The following CTNND2 variants were observed in gnomAD, a reference collection of about 807,000 sequenced individuals.
CTNND2 encodes catenin delta-2.
In CTNND2, 22 loss-of-function variants were observed where a neutral mutation model predicts 144.4. That is an observed-to-expected ratio of 0.15 (90% CI 0.11 to 0.22). The LOEUF is 0.22. Among genes scored for constraint, CTNND2 ranks in the 10% least tolerant of loss-of-function variants. CTNND2 has a pLI of 1.00. For missense variants in CTNND2, 1,353 were observed against 1,618.8 expected, an observed-to-expected ratio of 0.84 and a Z score of 2.82; for synonymous variants, 751 against 695.6, an observed-to-expected ratio of 1.08 and a Z score of -1.25.
chr5:11,198,322 G>GA (rs1322551513), intron 11 of CTNND2, among the ~76,000 whole-genome samples: 2 of 152,060 alleles, frequency 1.3e-5, no homozygotes, highest in East Asian at 3.9e-4. Flanking sequence ...GTTATAGAAA[G>GA]AAAAAACAAA....
intron 11 of CTNND2, among the ~76,000 whole-genome samples, chr5:11,196,744 G>A (rs1012245283): frequency 1.3e-5 from 2 of 152,164 alleles, no homozygotes; most frequent in African/African-American, 4.8e-5. Flanking sequence ...TAAATATTTA[G>A]CAGCCAGTGC....
intron 9 of CTNND2, among the ~76,000 whole-genome samples, chr5:11,299,362 T>A (rs977868322): frequency 1.1e-4 from 17 of 152,102 alleles, no homozygotes; most frequent in African/African-American, 3.6e-4. Flanking sequence ...GCCATCGCCT[T>A]TTACCAGAAG....
chr5:11,189,054 T>TC (rs1391777535), intron 11 of CTNND2, among the ~76,000 whole-genome samples: 1 of 152,186 alleles, frequency 6.6e-6, no homozygotes, highest in Non-Finnish European at 1.5e-5. Context: ...GTCTACGAGT[T>TC]CCAGCTTCTA....
intron 2 of CTNND2, among the ~76,000 whole-genome samples, chr5:11,631,144 C>G (rs145859881): frequency 6.6e-6 from 1 of 152,202 alleles, no homozygotes; most frequent in African/African-American, 2.4e-5. Context: ...CTTTTCCTAT[C>G]TTGCTGTCAT....
intron 3 of CTNND2, among the ~76,000 whole-genome samples, chr5:11,526,704 G>A (rs576471199): frequency 1.7e-4 from 26 of 152,268 alleles, no homozygotes; most frequent in Non-Finnish European, 2.8e-4. Context: ...AAACTAGGGT[G>A]CAAAATTAAA....
At chr5:11,896,606 GA>G (rs1737413978) in intron 1 of CTNND2, among the ~76,000 whole-genome samples, 1 of 152,012 alleles carries the variant, frequency 6.6e-6, no homozygotes, top group South Asian at 2.1e-4. Context: ...TTCAAGAATG[GA>G]AAGGCATGCT....
intron 2 of CTNND2, among the ~76,000 whole-genome samples, chr5:11,667,815 G>A (rs1011170992): frequency 6.6e-6 from 1 of 152,168 alleles, no homozygotes; most frequent in Non-Finnish European, 1.5e-5. Context: ...ACTGCTTTTA[G>A]TGTTTTAGTC....
intron 2 of CTNND2, among the ~76,000 whole-genome samples, chr5:11,665,539 CTT>C (rs1437357922): frequency 2.0e-5 from 3 of 152,164 alleles, no homozygotes; most frequent in South Asian, 2.1e-4. Context: ...AGGATTTTCT[CTT>C]GTTTCATTAG....
chr5:11,596,110 AT>A (rs1438279113), intron 2 of CTNND2, among the ~76,000 whole-genome samples: 1 of 152,182 alleles, frequency 6.6e-6, no homozygotes, highest in Non-Finnish European at 1.5e-5. Context: ...AACTGGGAGT[AT>A]TTTTTGTTTA....
chr5:11,846,755 G>A (rs1296282683), intron 1 of CTNND2, among the ~76,000 whole-genome samples: 1 of 151,716 alleles, frequency 6.6e-6, no homozygotes, highest in Admixed American at 6.6e-5. Flanking sequence ...GCAAAAATAA[G>A]CAAATAATCT....
intron 9 of CTNND2, among the ~76,000 whole-genome samples, chr5:11,259,938 C>T (rs147515370): frequency 2.0e-5 from 3 of 152,280 alleles, no homozygotes; most frequent in Non-Finnish European, 4.4e-5. Context: ...AAGGGATAAA[C>T]ACGTTTTAAG....
At chr5:11,263,691 T>C (rs912172645) in intron 9 of CTNND2, among the ~76,000 whole-genome samples, 20 of 152,228 alleles carry the variant, frequency 1.3e-4, no homozygotes, top group African/African-American at 4.8e-4. Flanking sequence ...GAGCCTTGAA[T>C]TCATGCCTTT....
At chr5:11,627,008 T>C (rs1456050582) in intron 2 of CTNND2, among the ~76,000 whole-genome samples, 2 of 152,190 alleles carry the variant, frequency 1.3e-5, no homozygotes, top group Non-Finnish European at 1.5e-5. Context: ...GGATAGATGA[T>C]GAATAAAATT....
At chr5:11,263,915 G>A (rs935600594) in intron 9 of CTNND2, among the ~76,000 whole-genome samples, 2 of 152,186 alleles carry the variant, frequency 1.3e-5, no homozygotes, top group Admixed American at 6.5e-5. Flanking sequence ...CAGTGGATTA[G>A]GGTCTCCTTT....
chr5:11,551,373 T>A (rs948802630), intron 3 of CTNND2, among the ~76,000 whole-genome samples: 1 of 152,094 alleles, frequency 6.6e-6, no homozygotes, highest in Admixed American at 6.6e-5. Flanking sequence ...ACTGGTTTTT[T>A]TTTTCACAGC....
intron 1 of CTNND2, among the ~76,000 whole-genome samples, chr5:11,796,057 C>A (rs1484279526): frequency 1.3e-5 from 2 of 152,210 alleles, no homozygotes; most frequent in African/African-American, 4.8e-5. Context: ...CAGGTTGAGT[C>A]CTCTCCTGAC....
intron 10 of CTNND2, among the ~76,000 whole-genome samples, chr5:11,218,368 T>C (rs1399194397): frequency 2.0e-5 from 3 of 152,188 alleles, no homozygotes; most frequent in African/African-American, 7.2e-5. Context: ...TCTTCTCATT[T>C]GTAAGCCCGA....
chr5:11,427,047 C>A (rs982370399), intron 3 of CTNND2, among the ~76,000 whole-genome samples: 3 of 152,132 alleles, frequency 2.0e-5, no homozygotes, highest in Non-Finnish European at 4.4e-5. Flanking sequence ...AGTGATTCTG[C>A]AAACAAGTTA....
At chr5:11,006,811 T>C (rs1233264848) in intron 18 of CTNND2, among the ~76,000 whole-genome samples, 1 of 152,130 alleles carries the variant, frequency 6.6e-6, no homozygotes, top group Non-Finnish European at 1.5e-5. Context: ...GGAGAGGACA[T>C]TTCTCAAACA....
Sources: gnomAD v4.1 joint callset for allele counts (sites outside exome capture counted in the v4.1 genomes callset) on GRCh38, gnomAD v4.1.1 for gene constraint, MANE v1.5 for transcripts, NCBI Gene and HGNC (gene_info 2026-07-23, HGNC 2026-07-21) for gene names.